Variants in GRB14 observed in about 807,000 individuals in gnomAD.
GRB14 encodes growth factor receptor bound protein 14, also known as growth factor receptor-bound protein 14.
A neutral mutation model predicts 69.1 loss-of-function variants in GRB14; 38 were observed. That is an observed-to-expected ratio of 0.55 (90% confidence interval 0.42 to 0.72). The LOEUF (loss-of-function observed/expected upper bound fraction) is 0.72. Ranked by LOEUF, GRB14 falls within the 30% of genes least tolerant of loss-of-function variation. GRB14 has a pLI of 0.00. For synonymous variants in GRB14, 247 were observed against 241.3 expected, an observed-to-expected ratio of 1.02 and a Z score of -0.22; for missense variants, 666 against 666.1, an observed-to-expected ratio of 1.00 and a Z score of 0.00.
chr2:164,541,326 G>T (rs1688232887), intron 3 of GRB14, among the ~76,000 whole-genome samples: 1 of 151,890 alleles, frequency 6.6e-6, no homozygotes, highest in African/African-American at 2.4e-5. Context: ...ACAAAAATTA[G>T]CTGGGCGTGG....
At chr2:164,518,799 C>T (rs1370505313) in intron 6 of GRB14, among the ~76,000 whole-genome samples, 2 of 151,730 alleles carry the variant, frequency 1.3e-5, no homozygotes, top group African/African-American at 2.4e-5. Flanking sequence ...GGAAAGATAA[C>T]CCTCCTAGAT....
chr2:164,607,367 T>C (rs1690065417), intron 2 of GRB14, among the ~76,000 whole-genome samples: 2 of 152,234 alleles, frequency 1.3e-5, no homozygotes. Context: ...ATTGAATAAA[T>C]AAAGCTTACT....
chr2:164,565,278 T>TCACACA (rs145190294), intron 2 of GRB14, among the ~76,000 whole-genome samples: 14,712 of 125,724 alleles, frequency 0.12, 779 homozygotes, highest in Middle Eastern at 0.17. Context: ...TATCACACAC[T>TCACACA]CACACACACA....
chr2:164,521,337 T>C (rs1447912851), intron 6 of GRB14, among the ~76,000 whole-genome samples: 3 of 152,016 alleles, frequency 2.0e-5, no homozygotes, highest in African/African-American at 7.2e-5. Flanking sequence ...GGAATAAGAA[T>C]GATACAATGG....
At chr2:164,554,853 A>G (rs1221866963) in intron 2 of GRB14, among the ~76,000 whole-genome samples, 1 of 152,078 alleles carries the variant, frequency 6.6e-6, no homozygotes, top group Non-Finnish European at 1.5e-5. Context: ...AGATTAAAAA[A>G]ACTAACACAA....
At position 164,619,793 on chromosome 2, in the gene GRB14, G is replaced by C; in HGVS notation, c.218C>G (p.Pro73Arg). Residue 73 changes from proline to arginine, a missense_variant, in exon 2 of 14, where the codon CCG (proline) becomes CGG (arginine). Transcript: ENST00000263915. ...AGGGTTTGGAATAGATGGCATTTCC[G>C]GAACATCAAGATCTTTCTTTTTTCT... Reference protein sequence around the residue: ...DRRKKKDLDVPEMPSIPNPFP... With the variant: ...DRRKKKDLDVREMPSIPNPFP... 1 of 1,609,994 alleles carries C rather than the reference G, an allele frequency of 6.2e-7. No homozygotes were observed. The highest frequency in any genetic ancestry group is 8.5e-7 in the Non-Finnish European group (1 of 1,177,282).
At chr2:164,616,241 G>T (rs927416355) in intron 2 of GRB14, among the ~76,000 whole-genome samples, 4 of 151,714 alleles carry the variant, frequency 2.6e-5, no homozygotes, top group South Asian at 2.1e-4. Context: ...TGGCTAACAC[G>T]GTAAAACCCT....
chr2:164,615,286 C>A (rs913527371), intron 2 of GRB14, among the ~76,000 whole-genome samples: 5 of 151,876 alleles, frequency 3.3e-5, no homozygotes, highest in African/African-American at 9.7e-5. Flanking sequence ...ATAATAAAAT[C>A]AAATATTTGA....
chr2:164,573,968 C>T, intron 2 of GRB14: 3 of 1,607,344 alleles, frequency 1.9e-6, no homozygotes, highest in South Asian at 1.1e-5. Context: ...GACCAAAAGC[C>T]TTTCCTTTAG....
chr2:164,512,047 C>A (rs1687352788), intron 6 of GRB14, among the ~76,000 whole-genome samples: 1 of 152,080 alleles, frequency 6.6e-6, no homozygotes, highest in Admixed American at 6.5e-5. Flanking sequence ...GGCTCCTCTG[C>A]CAGTGAAAAG....
intron 2 of GRB14, among the ~76,000 whole-genome samples, chr2:164,616,131 A>C (rs991728484): frequency 1.3e-5 from 2 of 152,162 alleles, no homozygotes; most frequent in African/African-American, 4.8e-5. Flanking sequence ...GGGAATAAAG[A>C]ATATGAATTC....
rs1352404483 is a variant in GRB14, at chr2:164,602,985, A to G, written c.324+16702T>C. Among the ~76,000 whole-genome samples the G allele has an allele frequency of 2.6e-5, 4 of 152,252 alleles. No homozygotes were observed. The East Asian group carries it at 5.8e-4, about 22-fold the overall frequency. ...AAAGTCAGGTAAGAAAAAGAAAGAC[A>G]TTGTACAAAACTAAAAAAAAATTAA... On this transcript the variant is annotated intron_variant, in intron 2 of 13. Coordinates refer to ENST00000263915, the MANE Select transcript of GRB14 (RefSeq NM_004490.3).
chr2:164,523,787 A>G (rs756144943), intron 5 of GRB14, among the ~76,000 whole-genome samples: 4 of 152,108 alleles, frequency 2.6e-5, no homozygotes, highest in African/African-American at 7.2e-5. Context: ...ATGCAGGACT[A>G]TCTGATTCCA....
At chr2:164,532,738 G>A (rs1687980044) in intron 3 of GRB14, among the ~76,000 whole-genome samples, 2 of 152,190 alleles carry the variant, frequency 1.3e-5, no homozygotes, top group East Asian at 1.9e-4. Flanking sequence ...CCAGAACTGT[G>A]AAAGAATACA....
chr2:164,603,236 T>C (rs971802485), intron 2 of GRB14, among the ~76,000 whole-genome samples: 38 of 147,464 alleles, frequency 2.6e-4, no homozygotes, highest in African/African-American at 9.3e-4. Flanking sequence ...TTAAAAAGCT[T>C]TGGGAAAAGA....
chr2:164,584,935 A>G (rs1016917595), intron 2 of GRB14, among the ~76,000 whole-genome samples: 1 of 151,596 alleles, frequency 6.6e-6, no homozygotes, highest in Non-Finnish European at 1.5e-5. Context: ...GTTGTTTTAT[A>G]TGTTTTTGTT....
rs150868917 is a variant in GRB14, at chr2:164,564,248, C to T, written c.325-16432G>A. Among the ~76,000 whole-genome samples the T allele has an allele frequency of 2.2e-3, 335 of 152,234 alleles. 3 individuals are homozygous for T. The highest frequency in any genetic ancestry group is 6.8e-3 in the Middle Eastern group (2 of 294). On this transcript the variant is annotated intron_variant, in intron 2 of 13. Coordinates refer to ENST00000263915, the MANE Select transcript of GRB14 (RefSeq NM_004490.3). ...ACAGATTTTAAAAGCCGTTTGAAGC[C>T]CAAGGAGGCAAACGATATGCTGCAG...
In GRB14 at chr2:164,621,070, G is replaced by A. The variant is rs776070999; in HGVS notation, c.191+49C>T. The A allele has an allele frequency of 4.0e-6, 5 of 1,240,702 alleles. No individual in the cohort carries two copies. The highest frequency in any genetic ancestry group is 4.1e-6 in the Non-Finnish European group (4 of 984,298). The allele number at this position is 1,240,702 out of a possible 1,614,324, so 76.9% of individuals were successfully genotyped here. On this transcript the variant is annotated intron_variant, in intron 1 of 13. Coordinates refer to ENST00000263915, the MANE Select transcript of GRB14 (RefSeq NM_004490.3). This position sits in a 1 kb window ranked among gnomAD's most constrained non-coding sequence, Gnocchi z 6.0. ...CCTAGGACCGCCTCCTCACCCCCTC[G>A]CCGGCTGCCCAGCCAGGACACTCCC...
At chr2:164,532,985 G>A (rs993985538) in intron 3 of GRB14, among the ~76,000 whole-genome samples, 2 of 151,934 alleles carry the variant, frequency 1.3e-5, no homozygotes, top group Non-Finnish European at 2.9e-5. Context: ...GGATGGTGTA[G>A]GTCCCAAGTG....
Sources: allele counts gnomAD v4.1 joint callset (sites outside exome capture counted in the v4.1 genomes callset), GRCh38; gene constraint gnomAD v4.1.1; non-coding constraint Gnocchi (gnomAD v3.1); transcripts MANE v1.5; gene names NCBI Gene and HGNC (gene_info 2026-07-23, HGNC 2026-07-21).